SPSB3: variants seen among roughly 807,000 people sequenced by gnomAD.
SPSB3 encodes the protein SPRY domain-containing SOCS box protein 3.
Under a neutral mutation model 29.5 loss-of-function variants are expected in SPSB3, and 18 were observed. The observed-to-expected ratio is 0.61, with a 90% CI of 0.42 to 0.91. SPSB3 has a LOEUF of 0.91. Among genes scored for constraint, SPSB3 ranks in the 40% least tolerant of loss-of-function variants. The pLI is 0.00. For missense variants in SPSB3, 540 were observed against 507.5 expected, an observed-to-expected ratio of 1.06 and a Z score of -0.61; for synonymous variants, 299 against 214.1, an observed-to-expected ratio of 1.40 and a Z score of -3.46.
intron 1 of SPSB3, 85 bp from the exon 2 acceptor site, chr16:1,781,580 A>T: frequency 6.8e-7 from 1 of 1,468,090 alleles, no homozygotes; most frequent in Non-Finnish European, 9.2e-7. Flanking sequence ...GGACCCACTC[A>T]AAGTGGGGAC....
rs372923228 is a variant in SPSB3 at position 1,781,333 on chromosome 16, G to A, written c.126+25C>T. 755 of 1,612,830 alleles carry A rather than the reference G, an allele frequency of 4.7e-4. 5 individuals carry two copies. Among genetic ancestry groups the A allele is most frequent in the Non-Finnish European group, 2.2e-4 (262 of 1,179,978 alleles). ...CATCTCCACACCTTAGGCCAGCCACGTCCGCCTCGCCCGCTGGAACCTACC... is the reference window on the plus strand; with the variant it reads ...CATCTCCACACCTTAGGCCAGCCACATCCGCCTCGCCCGCTGGAACCTACC... On this transcript the variant is annotated intron_variant, in intron 2 of 6. Transcript: ENST00000566339.
rs111388867 is a variant in SPSB3, at chr16:1,778,080, G to A, written c.493-32C>T. On this transcript the variant is annotated intron_variant, in intron 4 of 6. Coordinates refer to ENST00000566339, the MANE Select transcript of SPSB3 (RefSeq NM_080861.4). ...ACAGGGGCCAGGCAGAGGGCGCGGGGCTGGGCTGCCGGAGCCAGGTTCCCC... is the reference window on the plus strand; with the variant it reads ...ACAGGGGCCAGGCAGAGGGCGCGGGACTGGGCTGCCGGAGCCAGGTTCCCC... 2,432 of 1,613,024 alleles carry A rather than the reference G, an allele frequency of 1.5e-3. 4 individuals are homozygous for A. Among genetic ancestry groups the A allele is most frequent in the Non-Finnish European group, 1.9e-3 (2,258 of 1,179,976 alleles).
rs1288169901 is a variant in SPSB3, at chr16:1,776,850, C to T, written c.*247G>A. 18 of 545,326 alleles carry T rather than the reference C, an allele frequency of 3.3e-5. No individual in the cohort carries two copies. Among genetic ancestry groups the T allele is most frequent in the African/African-American group, 7.6e-5 (4 of 52,630 alleles). The allele number at this position is 545,326 out of a possible 1,614,324, so 33.8% of individuals were successfully genotyped here. A position where few individuals can be genotyped will look rare whatever the true frequency, so the allele number is the denominator to read the frequency against. ...GCAACGCGGGCTCCAGCCAGGCTCT[C>T]GTCCTCGCAGCCTCCCACAAGACCT... is the stretch of plus-strand genomic sequence containing the variant. On this transcript the variant is annotated 3_prime_UTR_variant, in exon 7 of 7. Transcript: ENST00000566339.
rs368425768 is a variant in SPSB3 at position 1,781,458 on chromosome 16, C to T, written c.26G>A (p.Arg9Lys). 10 of 1,612,656 alleles carry T rather than the reference C, an allele frequency of 6.2e-6. No individual in the cohort carries two copies. The highest frequency in any genetic ancestry group is 4.0e-5 in the African/African-American group (3 of 74,928). MARRPRNS[R>K]AWHFVLSAAR... Reference sequence around the variant, plus strand: ...TGCACTCAGGACGAAGTGCCAGGCCCTGCTGTTCCGGGGGCGTCTGGCCAT... The same window carrying T: ...TGCACTCAGGACGAAGTGCCAGGCCTTGCTGTTCCGGGGGCGTCTGGCCAT... The change falls in exon 2 of 7, where the codon AGG becomes AAG. Residue 9 changes from arginine to lysine, a missense_variant. Arg to Lys is a conservative substitution (Grantham distance 26). Transcript: ENST00000566339.
In SPSB3 at chr16:1,777,260, G is replaced by A. The variant is rs772899903; in HGVS notation, c.905C>T (p.Pro302Leu). 5.0e-6 allele frequency: 8 copies of A among 1,610,604 alleles called. No individual in the cohort carries two copies. Among genetic ancestry groups the A allele is most frequent in the South Asian group, 2.2e-5 (2 of 91,084 alleles). The change falls in exon 7 of 7, where the codon CCG becomes CTG. Residue 302 changes from proline (P) to leucine (L), a missense_variant. Transcript: ENST00000566339. ...GTGTAGCACCTGCTTGAGGCCCGGC[G>A]GCAGCGGCAGACCCTCCAGCGTGTC... ...SGDTLEGLPL[P>L]PGLKQVLHNK...
chr16:1,781,319 C>T, intron 2 of SPSB3, 39 bp downstream of exon 2: 1 of 1,612,830 alleles, frequency 6.2e-7, no homozygotes, highest in Non-Finnish European at 8.5e-7. Flanking sequence ...ATCTCCACAC[C>T]TTAGGCCAGC....
chr16:1,780,361 A>AC (rs1896669867), intron 2 of SPSB3: 1 of 139,392 alleles, frequency 7.2e-6, no homozygotes, highest in African/African-American at 2.7e-5. Flanking sequence ...CCCCACAGGG[A>AC]CCCCCACCCC....
Position 1,778,021 on chromosome 16 carries a change from C to T in SPSB3, c.520G>A (p.Asp174Asn), listed in dbSNP as rs201002802. The T allele has an allele frequency of 2.5e-5, 41 of 1,613,112 alleles. No homozygotes were observed. The highest frequency in any genetic ancestry group is 3.4e-5 in the Non-Finnish European group (40 of 1,180,008). The change falls in exon 5 of 7, where the codon GAC (aspartate) becomes AAC (asparagine). Residue 174 changes from aspartate (D) to asparagine (N), a missense_variant. Physicochemically the swap from Asp to Asn is conservative, Grantham distance 23. Transcript: ENST00000566339. ...MMVGIGTSDV[D>N]LDKYRHTFCS... ...AACGTGTGGCGGTATTTGTCCAGGT[C>T]CACATCCGACGTCCCGATGCCCACC...
chr16:1,781,531 TCA>T (rs780379799), intron 1 of SPSB3, 36 bp from the exon 2 acceptor site: 20 of 1,596,060 alleles, frequency 1.3e-5, no homozygotes, highest in Non-Finnish European at 1.6e-5. Context: ...AAAGGAAGAC[TCA>T]CAGCACTCCC....
chr16:1,780,801 C>G, intron 2 of SPSB3: 1 of 253,092 alleles, frequency 4.0e-6, no homozygotes, highest in Non-Finnish European at 7.9e-6. Context: ...GGTGTGATCA[C>G]GGCTCACTGC....
Position 1,776,922 on chromosome 16 carries a change from C to T in SPSB3, c.*175G>A. On this transcript the variant is annotated 3_prime_UTR_variant, in exon 7 of 7. Coordinates refer to ENST00000566339, the MANE Select transcript of SPSB3 (RefSeq NM_080861.4). Reference sequence around the variant, plus strand: ...CCCACCCAGCACAGCAGCAGAGGGGCCCTAGAGCCCCCACAGAAAGGACTG... The same window carrying T: ...CCCACCCAGCACAGCAGCAGAGGGGTCCTAGAGCCCCCACAGAAAGGACTG... The T allele has an allele frequency of 1.4e-6, 1 of 722,624 alleles. No homozygotes were observed. The allele number at this position is 722,624 out of a possible 1,614,324, so 44.8% of individuals were successfully genotyped here. A position where few individuals can be genotyped will look rare whatever the true frequency, so the allele number is the denominator to read the frequency against.
At position 1,781,352 on chromosome 16, in the gene SPSB3, A is replaced by C; in HGVS notation, c.126+6T>G. ...AGCCACGTCCGCCTCGCCCGCTGGA[A>C]CCTACCTGCCCATCAGAGTCGTAGC... On this transcript the variant is annotated splice_donor_region_variant and intron_variant, in intron 2 of 6. Transcript: ENST00000566339. 2.5e-6 allele frequency: 4 copies of C among 1,612,262 alleles called. No individual in the cohort carries two copies. The highest frequency in any genetic ancestry group is 3.4e-6 in the Non-Finnish European group (4 of 1,179,928).
chr16:1,781,619 G>A, intron 1 of SPSB3, 124 bp from the exon 2 acceptor site: 1 of 1,070,284 alleles, frequency 9.3e-7, no homozygotes, highest in South Asian at 1.6e-5. Flanking sequence ...GCCCAGCCAG[G>A]GCTCCAGAAC....
At chr16:1,781,276 T>C (rs762135128) in intron 2 of SPSB3, 82 bp downstream of exon 2, 2 of 1,611,298 alleles carry the variant, frequency 1.2e-6, no homozygotes, top group Admixed American at 1.7e-5. Context: ...ACTGATTCCG[T>C]GTTCAGGTAA....
At position 1,777,322 on chromosome 16, in the gene SPSB3, G is replaced by A. The variant is rs745589380; in HGVS notation, c.843C>T (p.Cys281=). 49 of 1,609,390 alleles carry A rather than the reference G, an allele frequency of 3.0e-5. No individual in the cohort carries two copies. Among genetic ancestry groups the A allele is most frequent in the Non-Finnish European group, 4.2e-5 (49 of 1,179,612 alleles). Reference sequence around the variant, plus strand: ...GCCGCAGCTGGCGCAGGCGGTGGCAGCACAGGTACTGGAGGGAAGTGGCGC... The same window carrying A: ...GCCGCAGCTGGCGCAGGCGGTGGCAACACAGGTACTGGAGGGAAGTGGCGC... ...CASATSLQYL[C]CHRLRQLRPD... The change falls in exon 7 of 7, where the codon TGC becomes TGT. Residue 281 remains cysteine (C), a synonymous_variant. Transcript: ENST00000566339.
In SPSB3 at chr16:1,778,198, T is replaced by A; in HGVS notation, c.428A>T (p.Glu143Val). The change falls in exon 4 of 7, where the codon GAG (glutamate) becomes GTG (valine). Residue 143 changes from glutamate to valine, a missense_variant. Physicochemically the swap from Glu to Val is moderately radical, Grantham distance 121. Transcript: ENST00000566339. ...CGTAAIRGTK[E>V]LGEGQHFWEI... The stretch of plus-strand genomic sequence containing the variant: ...CCAGAAGTGCTGGCCCTCCCCCAGC[T>A]CCTTGGTGCCCCGGATGGCCGCTGT... 6.2e-7 allele frequency: 1 copy of A among 1,612,948 alleles called. No homozygotes were observed. Among genetic ancestry groups the A allele is most frequent in the South Asian group, 1.1e-5 (1 of 91,074 alleles).
In SPSB3 at chr16:1,781,221, C is replaced by A. The variant is rs552824968; in HGVS notation, c.126+137G>T. ...ATGCGGTGCATCCAGGAGACAGGCCCAGGTTTGGACTGGTCCTCTAGCCTC... is the reference window on the plus strand; with the variant it reads ...ATGCGGTGCATCCAGGAGACAGGCCAAGGTTTGGACTGGTCCTCTAGCCTC... On this transcript the variant is annotated intron_variant, in intron 2 of 6. Coordinates refer to ENST00000566339, the MANE Select transcript of SPSB3 (RefSeq NM_080861.4). 8 of 1,580,642 alleles carry A rather than the reference C, an allele frequency of 5.1e-6. No homozygotes were observed. In the African/African-American group the frequency reaches 8.0e-5, roughly 16 times the overall value.
chr16:1,777,928 A>G lies in SPSB3; in HGVS notation c.595+18T>C. On this transcript the variant is annotated intron_variant, in intron 5 of 6. Transcript: ENST00000566339. The stretch of plus-strand genomic sequence containing the variant: ...GGAGCTCCAGGCTCGGCCCCGCCCC[A>G]CCCTGGGCCTCACGCACCCGTGTAG... 1.9e-6 allele frequency: 3 copies of G among 1,612,116 alleles called. No homozygotes were observed. The highest frequency in any genetic ancestry group is 2.2e-5 in the East Asian group (1 of 44,846).
At position 1,778,259 on chromosome 16, in the gene SPSB3, G is replaced by T; in HGVS notation, c.367C>A (p.Arg123Ser). The stretch of plus-strand genomic sequence containing the variant: ...TACTCCATGTGGAAGCTGACCTTAC[G>T]GTTGTCACAGCTCAGCAGGGTGGCT... ...SSATLLSCDN[R>S]KVSFHMEYSC... is the part of the protein sequence containing the mutation. Residue 123 changes from arginine (R) to serine (S), a missense_variant, in exon 4 of 7, where the codon CGT becomes AGT. Physicochemically the swap from Arg to Ser is moderately radical, Grantham distance 110. Coordinates refer to ENST00000566339, the MANE Select transcript of SPSB3 (RefSeq NM_080861.4). The T allele has an allele frequency of 6.2e-7, 1 of 1,612,870 alleles. No individual in the cohort carries two copies. Among genetic ancestry groups the T allele is most frequent in the Non-Finnish European group, 8.5e-7 (1 of 1,179,992 alleles).
Sources: allele counts gnomAD v4.1 joint callset, GRCh38; gene constraint gnomAD v4.1.1; transcripts MANE v1.5; gene names NCBI Gene and HGNC (gene_info 2026-07-23, HGNC 2026-07-21).